SLC14A2: variants seen among roughly 807,000 people sequenced by gnomAD.
SLC14A2 encodes urea transporter 2.
A neutral mutation model predicts 104.6 loss-of-function variants in SLC14A2; 91 were observed. The ratio of observed to expected loss-of-function variants is 0.87; its 90% CI spans 0.73 to 1.04. The LOEUF is 1.04. Among genes scored for constraint, SLC14A2 ranks in the 50% least tolerant of loss-of-function variants. The pLI is 0.00. For missense variants in SLC14A2, 1,189 were observed against 1,156.0 expected (o/e 1.03, Z -0.41); for synonymous variants, 476 against 466.4 (o/e 1.02, Z -0.27).
At chr18:45,281,035 C>T (rs909365221) in intron 1 of SLC14A2, among the ~76,000 whole-genome samples, 2 of 152,156 alleles carry the variant, frequency 1.3e-5, no homozygotes, top group Non-Finnish European at 1.5e-5. Context: ...CCCTCTTTGG[C>T]GCTGTCCCTT....
intron 2 of SLC14A2, among the ~76,000 whole-genome samples, chr18:45,524,319 T>G (rs2043560259): frequency 6.6e-6 from 1 of 152,230 alleles, no homozygotes; most frequent in African/African-American, 2.4e-5. Context: ...TGTTTTGTAC[T>G]GATGAGGTCC....
intron 1 of SLC14A2, among the ~76,000 whole-genome samples, chr18:45,309,234 T>G (rs1246240738): frequency 6.6e-6 from 1 of 152,174 alleles, no homozygotes; most frequent in Non-Finnish European, 1.5e-5. Flanking sequence ...TATTCCACAG[T>G]GAGGGTTTTT....
intron 1 of SLC14A2, among the ~76,000 whole-genome samples, chr18:45,238,208 C>T (rs1055254299): frequency 5.9e-5 from 9 of 152,180 alleles, no homozygotes; most frequent in East Asian, 3.8e-4. Flanking sequence ...ATCAGGTTTC[C>T]GGCATGTCCA....
rs561806854 is a variant in SLC14A2, at chr18:45,291,696, G to A, written c.-125+78505G>A. Among the ~76,000 whole-genome samples the A allele has an allele frequency of 6.2e-4, 95 of 152,172 alleles. 1 individual carries two copies. Among genetic ancestry groups the A allele is most frequent in the African/African-American group, 2.1e-3 (89 of 41,526 alleles). On this transcript the variant is annotated intron_variant, in intron 1 of 20. Transcript: ENST00000586448. The stretch of plus-strand genomic sequence containing the variant: ...TCGTTGGCATGTTAGGGATCTTCCC[G>A]TCTGCTTTGTGGACGTTCCTCCCCC...
intron 2 of SLC14A2, among the ~76,000 whole-genome samples, chr18:45,554,296 G>T (rs2044098571): frequency 6.6e-6 from 1 of 152,170 alleles, no homozygotes; most frequent in Admixed American, 6.6e-5. Flanking sequence ...GGGAGTTGGG[G>T]GGAAGAAGGG....
At chr18:45,281,837 G>A (rs1382586955) in intron 1 of SLC14A2, among the ~76,000 whole-genome samples, 4 of 152,178 alleles carry the variant, frequency 2.6e-5, no homozygotes, top group Admixed American at 2.6e-4. Flanking sequence ...AGCTGAGAGT[G>A]TAAAATAGGA....
intron 2 of SLC14A2, among the ~76,000 whole-genome samples, chr18:45,553,854 T>C (rs2044089880): frequency 6.6e-6 from 1 of 152,092 alleles, no homozygotes; most frequent in South Asian, 2.1e-4. Flanking sequence ...CTAAAGTCAG[T>C]CTTGGACCCT....
At chr18:45,314,527 C>A in intron 1 of SLC14A2, among the ~76,000 whole-genome samples, 1 of 152,174 alleles carries the variant, frequency 6.6e-6, no homozygotes, top group East Asian at 1.9e-4. Flanking sequence ...GGTTGAGGGA[C>A]TTGCCCAAGG....
intron 2 of SLC14A2, among the ~76,000 whole-genome samples, chr18:45,498,445 C>T (rs2043137485): frequency 6.6e-6 from 1 of 152,164 alleles, no homozygotes; most frequent in Admixed American, 6.5e-5. Flanking sequence ...AAGTTTTGTG[C>T]CCAGGGTGAC....
intron 1 of SLC14A2, among the ~76,000 whole-genome samples, chr18:45,393,166 A>G (rs185098605): frequency 6.6e-6 from 1 of 152,336 alleles, no homozygotes; most frequent in African/African-American, 2.4e-5. Flanking sequence ...CAAAAAGCTT[A>G]TCCCAAAGGA....
At chr18:45,376,595 G>T (rs967673343) in intron 1 of SLC14A2, among the ~76,000 whole-genome samples, 1 of 152,164 alleles carries the variant, frequency 6.6e-6, no homozygotes, top group Non-Finnish European at 1.5e-5. Context: ...ACTCTGGGTG[G>T]TTCTAACTGT....
chr18:45,420,948 C>A (rs1291965599), intron 1 of SLC14A2, among the ~76,000 whole-genome samples: 1 of 151,960 alleles, frequency 6.6e-6, no homozygotes, highest in Admixed American at 6.6e-5. Flanking sequence ...ACCATGTTGG[C>A]CAGAATGATC....
chr18:45,670,394 T>C (rs995683039), intron 16 of SLC14A2, among the ~76,000 whole-genome samples: 9 of 152,170 alleles, frequency 5.9e-5, no homozygotes, highest in Non-Finnish European at 2.9e-5. Flanking sequence ...CCACCTTATC[T>C]AACAAGGCAC....
chr18:45,541,013 TCAGC>T (rs1356762932), intron 2 of SLC14A2, among the ~76,000 whole-genome samples: 1 of 152,146 alleles, frequency 6.6e-6, no homozygotes, highest in African/African-American at 2.4e-5. Flanking sequence ...ATGTCTTATT[TCAGC>T]CCTTTGAGAA....
At chr18:45,456,024 A>G (rs1461931226) in intron 1 of SLC14A2, among the ~76,000 whole-genome samples, 1 of 152,144 alleles carries the variant, frequency 6.6e-6, no homozygotes, top group Non-Finnish European at 1.5e-5. Flanking sequence ...AATAGTGTTC[A>G]CTTGGGCACT....
Position 45,669,475 on chromosome 18 carries a change from T to C in SLC14A2, c.2206T>C (p.Trp736Arg), listed in dbSNP as rs747278054. 6 of 1,613,702 alleles carry C rather than the reference T, an allele frequency of 3.7e-6. No homozygotes were observed. The South Asian group carries it at 4.4e-5, about 12-fold the overall frequency. ...QPASAMPNIT[W>R]SEVQVPLLLR... ...TGCATCCGCCATGCCCAACATCACC[T>C]GGTCAGAGGTCCAAGTGCCCTTGGT... Residue 736 changes from tryptophan (W) to arginine (R), a missense_variant, in exon 16 of 20, where the codon TGG becomes CGG. By Grantham distance (101) the Trp-to-Arg change is moderately radical. Transcript: ENST00000255226.
chr18:45,658,970 G>T (rs2045889020), intron 10 of SLC14A2, among the ~76,000 whole-genome samples: 1 of 152,158 alleles, frequency 6.6e-6, no homozygotes. Context: ...ACAGGATGAT[G>T]GCAATCCTCG....
chr18:45,520,620 G>A (rs937896457), intron 2 of SLC14A2, among the ~76,000 whole-genome samples: 1 of 152,126 alleles, frequency 6.6e-6, no homozygotes, highest in Non-Finnish European at 1.5e-5. Flanking sequence ...GTTTTTCTGG[G>A]CGTTTCCATC....
At chr18:45,275,101 G>A (rs572838456) in intron 1 of SLC14A2, among the ~76,000 whole-genome samples, 5 of 152,130 alleles carry the variant, frequency 3.3e-5, no homozygotes, top group Non-Finnish European at 7.4e-5. Flanking sequence ...AAAGGGGTTG[G>A]GGGTGGAGGC....
Sources: allele counts gnomAD v4.1 joint callset (sites outside exome capture counted in the v4.1 genomes callset), GRCh38; gene constraint gnomAD v4.1.1; transcripts MANE v1.5; gene names NCBI Gene and HGNC (gene_info 2026-07-23, HGNC 2026-07-21).